GJB7: variants seen among roughly 807,000 people sequenced by gnomAD.
GJB7 encodes the protein gap junction protein beta 7.
For synonymous variants in GJB7, 87 were observed against 95.2 expected (o/e 0.91, Z 0.50); for missense variants, 253 against 256.8 (o/e 0.99, Z 0.10).
At chr6:87,324,321 G>A (rs1776762416) in intron 1 of GJB7, among the ~76,000 whole-genome samples, 1 of 152,202 alleles carries the variant, frequency 6.6e-6, no homozygotes, top group Non-Finnish European at 1.5e-5. Flanking sequence ...TGCTTTTGGT[G>A]TTTTAGACAT....
At chr6:87,325,061 GCTCT>G (rs1176543947) in intron 1 of GJB7, among the ~76,000 whole-genome samples, 2 of 151,860 alleles carry the variant, frequency 1.3e-5, no homozygotes, top group African/African-American at 2.4e-5. Context: ...TCATGATTTG[GCTCT>G]CTGTTTGTTG....
intron 2 of GJB7, chr6:87,298,933 G>T: frequency 2.3e-6 from 1 of 442,726 alleles, no homozygotes; most frequent in South Asian, 1.9e-5. Flanking sequence ...TGTTACAATA[G>T]GGCCAAAAAC....
chr6:87,289,596 G>GC (rs1227191909), intron 2 of GJB7, among the ~76,000 whole-genome samples: 1 of 152,150 alleles, frequency 6.6e-6, no homozygotes, highest in Non-Finnish European at 1.5e-5. Flanking sequence ...TCTGGGCTTG[G>GC]CTCATGTGGA....
chr6:87,311,722 T>C lies in GJB7; in HGVS notation c.-28+11144A>G, dbSNP rs144070732. Reference sequence around the variant, plus strand: ...TACCTCAGTAAGCAAACTGATTGTATAAATTGGTTTGCAGAATTTGCTGAT... The same window carrying C: ...TACCTCAGTAAGCAAACTGATTGTACAAATTGGTTTGCAGAATTTGCTGAT... On this transcript the variant is annotated intron_variant, in intron 2 of 2. Coordinates refer to ENST00000525899, the MANE Select transcript of GJB7 (RefSeq NM_198568.3). Among the ~76,000 whole-genome samples the C allele has an allele frequency of 9.8e-5, 15 of 152,336 alleles. No individual in the cohort carries two copies. In the East Asian group the frequency reaches 2.5e-3, roughly 25 times the overall value.
chr6:87,290,099 A>T (rs1776141968), intron 2 of GJB7, among the ~76,000 whole-genome samples: 1 of 152,168 alleles, frequency 6.6e-6, no homozygotes, highest in Non-Finnish European at 1.5e-5. Flanking sequence ...ATCTCATCCA[A>T]TGCTTACCTC....
intron 2 of GJB7, among the ~76,000 whole-genome samples, chr6:87,292,498 A>G (rs1023934715): frequency 1.3e-5 from 2 of 152,224 alleles, no homozygotes; most frequent in African/African-American, 4.8e-5. Flanking sequence ...GTACAGCAGT[A>G]GAGAGAAGTA....
At chr6:87,305,336 T>C (rs1377978313) in intron 2 of GJB7, among the ~76,000 whole-genome samples, 1 of 152,080 alleles carries the variant, frequency 6.6e-6, no homozygotes, top group Non-Finnish European at 1.5e-5. Context: ...AGTCTCAGGA[T>C]ACAAAATCAA....
chr6:87,299,282 A>C, intron 2 of GJB7: 1 of 481,200 alleles, frequency 2.1e-6, no homozygotes, highest in South Asian at 1.6e-5. Context: ...ATTTCTGCAA[A>C]TGGAGACAAA....
At chr6:87,328,303 G>A (rs1461365231) in intron 1 of GJB7, among the ~76,000 whole-genome samples, 3 of 152,186 alleles carry the variant, frequency 2.0e-5, no homozygotes, top group African/African-American at 4.8e-5. Context: ...GAGGAACTGC[G>A]TTCCTTTGGA....
At position 87,311,800 on chromosome 6, in the gene GJB7, T is replaced by A. The variant is rs549880887; in HGVS notation, c.-28+11066A>T. ...GCAATCACATTTTTCCTGGCAAGAA[T>A]TTCTTGGGGAATAAAAGCAATAATA... On this transcript the variant is annotated intron_variant, in intron 2 of 2. Transcript: ENST00000525899. Among the ~76,000 whole-genome samples, 17 of 152,326 alleles carry A rather than the reference T, an allele frequency of 1.1e-4. No individual in the cohort carries two copies. The South Asian group carries it at 3.5e-3, about 32-fold the overall frequency.
At chr6:87,307,656 C>G (rs1343280678) in intron 2 of GJB7, among the ~76,000 whole-genome samples, 1 of 152,126 alleles carries the variant, frequency 6.6e-6, no homozygotes, top group Non-Finnish European at 1.5e-5. Flanking sequence ...CAGAGAAATA[C>G]AAATCAAAAC....
chr6:87,301,572 C>G (rs1776328064), intron 2 of GJB7, among the ~76,000 whole-genome samples: 1 of 152,188 alleles, frequency 6.6e-6, no homozygotes, highest in Non-Finnish European at 1.5e-5. Flanking sequence ...TCAAGGAGGC[C>G]TGCCTGCCTG....
intron 2 of GJB7, among the ~76,000 whole-genome samples, chr6:87,301,477 G>C (rs766152221): frequency 2.0e-5 from 3 of 152,154 alleles, no homozygotes; most frequent in Non-Finnish European, 2.9e-5. Context: ...CAGCGAGGGT[G>C]GGGGATGGGC....
At chr6:87,321,620 G>A (rs966805251) in intron 2 of GJB7, among the ~76,000 whole-genome samples, 1 of 152,134 alleles carries the variant, frequency 6.6e-6, no homozygotes, top group Admixed American at 6.5e-5. Flanking sequence ...CCTTTCAGGG[G>A]TGGGTTGGTG....
chr6:87,291,000 G>A (rs1000081899), intron 2 of GJB7, among the ~76,000 whole-genome samples: 6 of 152,180 alleles, frequency 3.9e-5, no homozygotes, highest in African/African-American at 1.2e-4. Flanking sequence ...AGCCACGATG[G>A]GTAGATGTAC....
intron 2 of GJB7, among the ~76,000 whole-genome samples, chr6:87,319,048 G>T (rs1776622019): frequency 6.6e-6 from 1 of 152,148 alleles, no homozygotes; most frequent in South Asian, 2.1e-4. Context: ...AGCACACTTT[G>T]GGAACCCCAG....
chr6:87,283,239 C>T lies in GJB7; in HGVS notation c.*1002G>A, dbSNP rs963154835. On this transcript the variant is annotated 3_prime_UTR_variant, in exon 3 of 3. Coordinates refer to ENST00000525899, the MANE Select transcript of GJB7 (RefSeq NM_198568.3). Reference sequence around the variant, plus strand: ...CTTACAGTATAGTACATAGTGAATTCCTGATTATGAAAGGTTCAACAATAT... The same window carrying T: ...CTTACAGTATAGTACATAGTGAATTTCTGATTATGAAAGGTTCAACAATAT... 6.6e-6 allele frequency: 1 copy of T among 152,084 alleles called. No homozygotes were observed. The highest frequency in any genetic ancestry group is 1.5e-5 in the Non-Finnish European group (1 of 68,018). 9.4% of individuals were successfully genotyped at this position (152,084 alleles called of 1,614,324 possible).
chr6:87,299,408 A>T (rs1190375063), intron 2 of GJB7: 2 of 487,990 alleles, frequency 4.1e-6, no homozygotes, highest in Non-Finnish European at 8.2e-6. Context: ...ATAAAGTTTG[A>T]TTGAGGCTAT....
intron 2 of GJB7, chr6:87,298,808 G>A (rs548821559): frequency 2.2e-4 from 63 of 291,738 alleles, no homozygotes; most frequent in South Asian, 2.0e-3. Flanking sequence ...AGATGAGACC[G>A]GTGTCCAGGG....
Sources: gnomAD v4.1 joint callset for allele counts (sites outside exome capture counted in the v4.1 genomes callset) on GRCh38, gnomAD v4.1.1 for gene constraint, MANE v1.5 for transcripts, NCBI Gene and HGNC (gene_info 2026-07-23, HGNC 2026-07-21) for gene names.